The following STK4 variants were observed in gnomAD, a reference collection of about 807,000 sequenced individuals.
The protein encoded by STK4 is serine/threonine kinase 4.
Under a neutral mutation model 64.9 loss-of-function variants are expected in STK4, and 30 were observed. That is an observed-to-expected ratio of 0.46 (90% confidence interval 0.35 to 0.63). The LOEUF is 0.63. STK4 is among the 20% of genes least tolerant of loss of function. The pLI is 0.01. For synonymous variants in STK4, 177 were observed against 199.0 expected (o/e 0.89, Z 0.93); for missense variants, 466 against 598.5 (o/e 0.78, Z 2.31).
intron 9 of STK4, among the ~76,000 whole-genome samples, chr20:45,021,610 A>G (rs1436748539): frequency 6.6e-6 from 1 of 152,208 alleles, no homozygotes; most frequent in Non-Finnish European, 1.5e-5. Flanking sequence ...AAAATATTTC[A>G]TCTGCATCTC....
At position 45,077,669 on chromosome 20, in the gene STK4, G is replaced by C. The variant is rs919966087; in HGVS notation, c.*2493G>C. 6.6e-6 allele frequency: 1 copy of C among 152,212 alleles called. No homozygotes were observed. Among genetic ancestry groups the C allele is most frequent in the Admixed American group, 6.5e-5 (1 of 15,276 alleles). The allele number at this position is 152,212 out of a possible 1,614,324, so 9.4% of individuals were successfully genotyped here. A position where few individuals can be genotyped will look rare whatever the true frequency, so the allele number is the denominator to read the frequency against. The stretch of plus-strand genomic sequence containing the variant: ...CCCACACTGCTGGGATTACAGGCAT[G>C]AGCCACCGCTCCTGGCCTCTCTTTC... On this transcript the variant is annotated 3_prime_UTR_variant, in exon 11 of 11. Transcript: ENST00000372806.
chr20:45,040,286 A>G (rs2068592057), intron 10 of STK4, among the ~76,000 whole-genome samples: 1 of 152,096 alleles, frequency 6.6e-6, no homozygotes, highest in Non-Finnish European at 1.5e-5. Context: ...GGTACAATGT[A>G]TACAGAAAAG....
At chr20:44,980,173 T>C (rs2145648690) in intron 3 of STK4, among the ~76,000 whole-genome samples, 1 of 152,314 alleles carries the variant, frequency 6.6e-6, no homozygotes, top group South Asian at 2.1e-4. Context: ...AGTAAATACT[T>C]GATAGTAATG....
chr20:45,067,473 T>G (rs1979678646), intron 10 of STK4, among the ~76,000 whole-genome samples: 1 of 152,216 alleles, frequency 6.6e-6, no homozygotes, highest in Admixed American at 6.5e-5. Flanking sequence ...TGAGAGTTTG[T>G]AGTGGCAGAG....
At chr20:44,986,982 C>G in intron 4 of STK4, 150 bp from the exon 5 acceptor site, 1 of 543,180 alleles carries the variant, frequency 1.8e-6, no homozygotes, top group East Asian at 3.5e-5. Context: ...TGGGAGTGGT[C>G]AGTGTATCTA....
At chr20:45,002,690 A>T (rs1461976066) in intron 9 of STK4, among the ~76,000 whole-genome samples, 1 of 152,172 alleles carries the variant, frequency 6.6e-6, no homozygotes, top group Non-Finnish European at 1.5e-5. Flanking sequence ...GACCTATATC[A>T]CTCAGCTTCA....
intron 7 of STK4, among the ~76,000 whole-genome samples, 153 bp downstream of exon 7, chr20:44,997,459 A>C (rs1309867138): frequency 6.6e-6 from 1 of 152,240 alleles, no homozygotes; most frequent in Non-Finnish European, 1.5e-5. Context: ...TGGGAGGCTG[A>C]GGCAGGTATA....
At chr20:45,050,412 G>A (rs1371985867) in intron 10 of STK4, among the ~76,000 whole-genome samples, 1 of 152,104 alleles carries the variant, frequency 6.6e-6, no homozygotes, top group Non-Finnish European at 1.5e-5. Flanking sequence ...CATTTAGGTA[G>A]CCTTCAGCTT....
intron 10 of STK4, among the ~76,000 whole-genome samples, chr20:45,070,105 G>A (rs1174921295): frequency 6.6e-6 from 1 of 152,180 alleles, no homozygotes; most frequent in South Asian, 2.1e-4. Flanking sequence ...AAAAAGTATG[G>A]CCTGTTTGAG....
intron 10 of STK4, among the ~76,000 whole-genome samples, chr20:45,026,872 CCTT>C (rs2068357307): frequency 6.6e-6 from 1 of 152,152 alleles, no homozygotes; most frequent in South Asian, 2.1e-4. Context: ...GCTTCAGAAT[CCTT>C]CTTAACACAG....
intron 4 of STK4, 84 bp from the exon 5 acceptor site, chr20:44,987,045 AAAG>A: frequency 1.8e-6 from 2 of 1,134,336 alleles, no homozygotes; most frequent in Non-Finnish European, 2.5e-6. Context: ...TGTTTATATT[AAAG>A]AAAGGTTTGG....
intron 10 of STK4, among the ~76,000 whole-genome samples, chr20:45,030,036 T>G (rs1451711842): frequency 2.0e-5 from 3 of 152,088 alleles, no homozygotes; most frequent in African/African-American, 4.8e-5. Flanking sequence ...GTGAAGAAAG[T>G]TCTGAATAAT....
chr20:45,009,377 T>C (rs1345962283), intron 9 of STK4, among the ~76,000 whole-genome samples: 1 of 152,214 alleles, frequency 6.6e-6, no homozygotes, highest in African/African-American at 2.4e-5. Flanking sequence ...AGTTTCCTAT[T>C]CTGTTCCATT....
At chr20:45,069,101 T>C (rs1297285388) in intron 10 of STK4, among the ~76,000 whole-genome samples, 1 of 152,196 alleles carries the variant, frequency 6.6e-6, no homozygotes, top group East Asian at 1.9e-4. Flanking sequence ...TTCTAGGTGT[T>C]AGACAATAGT....
At chr20:45,036,020 G>T (rs2068522192) in intron 10 of STK4, among the ~76,000 whole-genome samples, 2 of 152,162 alleles carry the variant, frequency 1.3e-5, no homozygotes, top group South Asian at 4.1e-4. Context: ...ATAAGTTCAA[G>T]AGATCTATTG....
rs60999826 is a variant in STK4, at chr20:45,020,439, C to CGTGT, written c.1148-4509_1148-4506dup. 5.5e-4 allele frequency among the ~76,000 whole-genome samples: 80 copies of CGTGT among 145,316 alleles called. 1 individual carries two copies. In the Middle Eastern group the frequency reaches 0.011, roughly 20 times the overall value. On this transcript the variant is annotated intron_variant, in intron 9 of 10. Coordinates refer to ENST00000372806, the MANE Select transcript of STK4 (RefSeq NM_006282.5). ...CCAGATTTAGGGGTGTATGTTTATG[C>CGTGT]GTGTGTGTGTGTGTGTGTGTGTGTG... is the stretch of plus-strand genomic sequence containing the variant.
chr20:45,039,098 C>G (rs570377791), intron 10 of STK4, among the ~76,000 whole-genome samples: 2 of 151,990 alleles, frequency 1.3e-5, no homozygotes, highest in Non-Finnish European at 2.9e-5. Flanking sequence ...CAAAACTCAA[C>G]AAGTAGTGGT....
chr20:45,045,618 G>GT (rs962958991), intron 10 of STK4, among the ~76,000 whole-genome samples: 17 of 151,908 alleles, frequency 1.1e-4, no homozygotes, highest in South Asian at 8.3e-4. Flanking sequence ...AACTCACAGT[G>GT]TTTTTTTTCA....
chr20:44,970,632 A>G (rs1365019591), intron 1 of STK4: 3 of 152,126 alleles, frequency 2.0e-5, no homozygotes, highest in South Asian at 4.1e-4. Context: ...TGTCATTGGT[A>G]TTTAATTTTT....
Sources: gnomAD v4.1 joint callset for allele counts (sites outside exome capture counted in the v4.1 genomes callset) on GRCh38, gnomAD v4.1.1 for gene constraint, MANE v1.5 for transcripts, NCBI Gene and HGNC (gene_info 2026-07-23, HGNC 2026-07-21) for gene names.